The following PLK4 variants were observed in gnomAD, a reference collection of about 807,000 sequenced individuals.
PLK4 encodes the protein polo like kinase 4.
A neutral mutation model predicts 103.0 loss-of-function variants in PLK4; 51 were observed. The observed-to-expected ratio is 0.50, with a 90% CI of 0.40 to 0.63. PLK4 has a LOEUF of 0.63. PLK4 is among the 20% of genes least tolerant of loss of function. The pLI is 0.00. For missense variants in PLK4, 1,054 were observed against 1,151.0 expected, an observed-to-expected ratio of 0.92 and a Z score of 1.22; for synonymous variants, 389 against 376.8, an observed-to-expected ratio of 1.03 and a Z score of -0.38.
chr4:127,890,589 T>A (rs184289906), intron 7 of PLK4, among the ~76,000 whole-genome samples: 6 of 152,286 alleles, frequency 3.9e-5, no homozygotes, highest in African/African-American at 9.6e-5. Context: ...ATTTTTATTG[T>A]TTGTAAATTT....
intron 2 of PLK4, among the ~76,000 whole-genome samples, chr4:127,882,739 CAA>C (rs908920429): frequency 2.0e-5 from 3 of 151,784 alleles, no homozygotes; most frequent in Non-Finnish European, 4.4e-5. Flanking sequence ...GCCCAGGCAA[CAA>C]GAGCTAAATT....
Position 127,891,712 on chromosome 4 carries a change from A to G in PLK4, c.2038+31A>G, listed in dbSNP as rs1450656593. ...TGAATTTACCAGGGAATAAATTTTGATAGTAGATTTATATGTATATACGTA... is the reference window on the plus strand; with the variant it reads ...TGAATTTACCAGGGAATAAATTTTGGTAGTAGATTTATATGTATATACGTA... On this transcript the variant is annotated intron_variant, in intron 9 of 15. Coordinates refer to ENST00000270861, the MANE Select transcript of PLK4 (RefSeq NM_014264.5). The G allele has an allele frequency of 5.8e-6, 5 of 866,976 alleles. No individual in the cohort carries two copies. The South Asian group carries it at 8.5e-5, about 15-fold the overall frequency. 53.7% of individuals were successfully genotyped at this position (866,976 alleles called of 1,614,324 possible).
In PLK4 at chr4:127,881,334, C is replaced by T; in HGVS notation, c.30+170C>T. 6.8e-6 allele frequency: 10 copies of T among 1,469,816 alleles called. No homozygotes were observed. The South Asian group carries it at 1.1e-4, about 16-fold the overall frequency. The allele number at this position is 1,469,816 out of a possible 1,614,324, so 91.0% of individuals were successfully genotyped here. On this transcript the variant is annotated intron_variant, in intron 1 of 15. Transcript: ENST00000270861. ...CCTGCTGTTTAGGGGCGGAGCGGCC[C>T]GCCCCTCAAGAGACAAGAGTAGGGA...
intron 3 of PLK4, 22 bp from the exon 4 acceptor site, chr4:127,883,414 TTTA>T: frequency 1.4e-6 from 2 of 1,399,228 alleles, no homozygotes; most frequent in East Asian, 2.3e-5. Flanking sequence ...TATATTTTAA[TTTA>T]TTATGCCCTT....
At chr4:127,898,075 A>G (rs778864228) in intron 15 of PLK4, among the ~76,000 whole-genome samples, 2 of 151,750 alleles carry the variant, frequency 1.3e-5, no homozygotes, top group Non-Finnish European at 2.9e-5. Flanking sequence ...TGACCTCGTA[A>G]TCCACCCCCC....
chr4:127,892,412 G>A lies in PLK4; in HGVS notation c.2086G>A (p.Val696Ile), dbSNP rs377056419. Residue 696 changes from valine to isoleucine, a missense_variant, in exon 10 of 16, where the codon GTA (valine) becomes ATA (isoleucine). Val to Ile is a conservative substitution (Grantham distance 29, BLOSUM62 3). Coordinates refer to ENST00000270861, the MANE Select transcript of PLK4 (RefSeq NM_014264.5). Reference sequence around the variant, plus strand: ...ATATGCTTCCAGGTTTGTACAGCTTGTAAGATCTAAATCTCCCAAAATCAC... The same window carrying A: ...ATATGCTTCCAGGTTTGTACAGCTTATAAGATCTAAATCTCCCAAAATCAC... ...YQYASRFVQL[V>I]RSKSPKITYF... is the part of the protein sequence containing the mutation. 1.0e-5 allele frequency: 16 copies of A among 1,584,626 alleles called. No homozygotes were observed. The highest frequency in any genetic ancestry group is 8.6e-7 in the Non-Finnish European group (1 of 1,169,232).
At chr4:127,888,177 CAAAAAAAAAAAAAAAAA>C (rs58491426) in intron 6 of PLK4, among the ~76,000 whole-genome samples, 964 of 33,256 alleles carry the variant, frequency 0.029, 19 homozygotes, top group Middle Eastern at 0.14. Context: ...TAGACTGTCT[CAAAAAAAAAAAAAAAAA>C]AAAAAAAAAA....
Position 127,885,788 on chromosome 4 carries a change from T to G in PLK4, c.418T>G (p.Ser140Ala). 6.2e-7 allele frequency: 1 copy of G among 1,613,944 alleles called. No individual in the cohort carries two copies. The highest frequency in any genetic ancestry group is 8.5e-7 in the Non-Finnish European group (1 of 1,179,820). Reference sequence around the variant, plus strand: ...TATACTACACCGGGACCTCACACTTTCTAACCTCCTACTGACTCGTAATAT... The same window carrying G: ...TATACTACACCGGGACCTCACACTTGCTAACCTCCTACTGACTCGTAATAT... ...HGILHRDLTLSNLLLTRNMNI... is the reference protein window; with the variant it reads ...HGILHRDLTLANLLLTRNMNI... Residue 140 changes from serine to alanine, a missense_variant, in exon 5 of 16, where the codon TCT becomes GCT. Ser to Ala is a moderately conservative substitution (Grantham distance 99). Transcript: ENST00000270861.
chr4:127,881,752 TATCTTCTTTTTCCAGCCCCTTCCC>T lies in PLK4; in HGVS notation c.31-72_31-49del. On this transcript the variant is annotated intron_variant, in intron 1 of 15. Coordinates refer to ENST00000270861, the MANE Select transcript of PLK4 (RefSeq NM_014264.5). ...GTCAAATTCCCCACTCGATCCATTT[TATCTTCTTTTTCCAGCCCCTTCCC>T]ATCTTCCTTTCTACTGTGAGTCATC... 6 of 862,602 alleles carry T rather than the reference TATCTTCTTTTTCCAGCCCCTTCCC, an allele frequency of 7.0e-6. No homozygotes were observed. In the Middle Eastern group the frequency reaches 6.6e-4, roughly 95 times the overall value. 53.4% of individuals were successfully genotyped at this position (862,602 alleles called of 1,614,324 possible). A position where few individuals can be genotyped will look rare whatever the true frequency, so the allele number is the denominator to read the frequency against.
intron 7 of PLK4, among the ~76,000 whole-genome samples, 197 bp downstream of exon 7, chr4:127,890,433 A>G (rs1187965646): frequency 1.3e-5 from 2 of 152,170 alleles, no homozygotes; most frequent in African/African-American, 4.8e-5. Context: ...TTATAGTGAC[A>G]TGATACTGGT....
chr4:127,893,450 A>G, intron 11 of PLK4, 32 bp downstream of exon 11: 6 of 1,601,412 alleles, frequency 3.7e-6, no homozygotes, highest in South Asian at 1.1e-5. Context: ...TTTCATACCA[A>G]TTAATAATGA....
intron 14 of PLK4, among the ~76,000 whole-genome samples, chr4:127,895,525 C>T (rs923100006): frequency 6.4e-5 from 9 of 141,276 alleles, no homozygotes; most frequent in African/African-American, 2.4e-4. Flanking sequence ...GGGTTGACAC[C>T]ATTCTCCTGC....
At chr4:127,889,796 G>A in intron 6 of PLK4, 70 bp from the exon 7 acceptor site, 1 of 1,114,300 alleles carries the variant, frequency 9.0e-7, no homozygotes, top group Non-Finnish European at 1.3e-6. Flanking sequence ...TACAATCAGA[G>A]TGACGTTATT....
At position 127,893,758 on chromosome 4, in the gene PLK4, T is replaced by C; in HGVS notation, c.2439T>C (p.Pro813=). The stretch of plus-strand genomic sequence containing the variant: ...GAAAACCTGGTAGTACTAGTTCACC[T>C]AAGGCCTTATCACCTCCTCCTTCTG... ...IGRKPGSTSS[P]KALSPPPSVD... is the part of the protein sequence containing the mutation. The change falls in exon 13 of 16, where the codon CCT becomes CCC. Residue 813 remains proline (P), a synonymous_variant. Transcript: ENST00000270861. The C allele has an allele frequency of 6.2e-7, 1 of 1,611,328 alleles. No individual in the cohort carries two copies. Among genetic ancestry groups the C allele is most frequent in the African/African-American group, 1.3e-5 (1 of 74,972 alleles).
rs766811659 is a variant in PLK4 at position 127,891,150 on chromosome 4, A to G, written c.1889A>G (p.Gln630Arg). The change falls in exon 8 of 16, where the codon CAA (glutamine) becomes CGA (arginine). Residue 630 changes from glutamine to arginine, a missense_variant. Gln to Arg is a conservative substitution (Grantham distance 43). Coordinates refer to ENST00000270861, the MANE Select transcript of PLK4 (RefSeq NM_014264.5). ...CVELVKEYAS[Q>R]EYVKEVLQIS... ...GAGCTTGTAAAGGAGTATGCATCTC[A>G]AGAATATGTGAAAGAAGTTCTTCAG... The G allele has an allele frequency of 4.4e-6, 7 of 1,598,060 alleles. No individual in the cohort carries two copies. In the African/African-American group the frequency reaches 5.4e-5, roughly 12 times the overall value.
intron 15 of PLK4, among the ~76,000 whole-genome samples, chr4:127,898,212 A>C (rs1409431948): frequency 1.3e-5 from 2 of 152,156 alleles, no homozygotes; most frequent in African/African-American, 4.8e-5. Context: ...AAGTTTATCT[A>C]ATTTTCCTTC....
At position 127,898,600 on chromosome 4, in the gene PLK4, A is replaced by ACT. The variant is rs1255638105; in HGVS notation, c.*59_*60insCT. 4.9e-6 allele frequency: 4 copies of ACT among 824,622 alleles called. No individual in the cohort carries two copies. The East Asian group carries it at 9.9e-5, about 20-fold the overall frequency. 51.1% of individuals were successfully genotyped at this position (824,622 alleles called of 1,614,324 possible). Reference sequence around the variant, plus strand: ...ATAACTTTTTTGTTGACTTTCAAGTAAAGTGATTTTTTTTAATTTAACATA... The same window carrying ACT: ...ATAACTTTTTTGTTGACTTTCAAGTACTAAGTGATTTTTTTTAATTTAACATA... On this transcript the variant is annotated 3_prime_UTR_variant, in exon 16 of 16. Coordinates refer to ENST00000270861, the MANE Select transcript of PLK4 (RefSeq NM_014264.5).
Position 127,881,854 on chromosome 4 carries a change from T to A in PLK4, c.54T>A (p.Leu18=). The A allele has an allele frequency of 6.2e-7, 1 of 1,606,700 alleles. No homozygotes were observed. ...KIEDFKVGNL[L]GKGSFAGVYR... is the part of the protein sequence containing the mutation. ...AGGATTTTAAAGTTGGAAATCTGCTTGGTAAAGGATCATTTGCTGGTGTCT... is the reference window on the plus strand; with the variant it reads ...AGGATTTTAAAGTTGGAAATCTGCTAGGTAAAGGATCATTTGCTGGTGTCT... Residue 18 remains leucine (L), a synonymous_variant, in exon 2 of 16, where the codon CTT becomes CTA. Transcript: ENST00000270861.
intron 14 of PLK4, among the ~76,000 whole-genome samples, chr4:127,895,981 T>A (rs572183459): frequency 1.3e-5 from 2 of 152,302 alleles, no homozygotes; most frequent in South Asian, 4.1e-4. Flanking sequence ...TTATCTAAAA[T>A]CTTGAAACTT....
Sources: gnomAD v4.1 joint callset for allele counts (sites outside exome capture counted in the v4.1 genomes callset) on GRCh38, gnomAD v4.1.1 for gene constraint, MANE v1.5 for transcripts, NCBI Gene and HGNC (gene_info 2026-07-23, HGNC 2026-07-21) for gene names.